Variants in ANK1 observed in about 807,000 individuals in gnomAD.
The protein encoded by ANK1 is ankyrin 1, also known as ankyrin-1.
Under a neutral mutation model 210.4 loss-of-function variants are expected in ANK1, and 51 were observed. The observed-to-expected ratio is 0.24, with a 90% CI of 0.19 to 0.31. The LOEUF (loss-of-function observed/expected upper bound fraction) is 0.31. ANK1 is among the 10% of genes least tolerant of loss of function. The probability of loss-of-function intolerance (pLI) is 1.00; values close to 1 mark genes in which losing one functional copy is unlikely to be tolerated. For missense variants in ANK1, 2,051 were observed against 2,504.4 expected, an observed-to-expected ratio of 0.82 and a Z score of 3.86; for synonymous variants, 967 against 1,025.9, an observed-to-expected ratio of 0.94 and a Z score of 1.10.
At chr8:41,816,095 C>T (rs1425690371) in intron 1 of ANK1, among the ~76,000 whole-genome samples, 1 of 152,166 alleles carries the variant, frequency 6.6e-6, no homozygotes, top group Non-Finnish European at 1.5e-5. Context: ...GTGTAATTCA[C>T]TTGTTCTTAA....
intron 16 of ANK1, 107 bp downstream of exon 16, chr8:41,714,049 A>G (rs1826912328): frequency 1.3e-6 from 1 of 765,180 alleles, no homozygotes; most frequent in South Asian, 6.5e-5. Flanking sequence ...AAATAGCAAC[A>G]GAACGCAAAA....
At chr8:41,838,533 A>G (rs2150802938) in intron 1 of ANK1, among the ~76,000 whole-genome samples, 1 of 152,328 alleles carries the variant, frequency 6.6e-6, no homozygotes, top group Middle Eastern at 3.4e-3. Flanking sequence ...TGGGAGGCCG[A>G]GGCCGGCGGA....
At position 41,708,702 on chromosome 8, in the gene ANK1, A is replaced by G. The variant is rs536051694; in HGVS notation, c.1998+76T>C. 106 of 1,533,610 alleles carry G rather than the reference A, an allele frequency of 6.9e-5. 1 individual carries two copies. In the African/African-American group the frequency reaches 1.3e-3, roughly 19 times the overall value. On this transcript the variant is annotated intron_variant, in intron 17 of 42. Coordinates refer to ENST00000289734, the MANE Select transcript of ANK1 (RefSeq NM_000037.4). ...CACCCCTAACTCAGAACCTGGGCAC[A>G]CATAGATGCTCAATATGAAGACACC...
intron 1 of ANK1, among the ~76,000 whole-genome samples, chr8:41,890,963 C>T (rs1819328485): frequency 6.6e-6 from 1 of 152,122 alleles, no homozygotes; most frequent in Non-Finnish European, 1.5e-5. Flanking sequence ...CAAGTGTTGG[C>T]TTCAAAGTGC....
At chr8:41,852,249 G>C (rs1811391043) in intron 1 of ANK1, among the ~76,000 whole-genome samples, 2 of 152,150 alleles carry the variant, frequency 1.3e-5, no homozygotes, top group Admixed American at 1.3e-4. Flanking sequence ...AGTACTCAGG[G>C]GCCCTTAGCC....
intron 22 of ANK1, among the ~76,000 whole-genome samples, chr8:41,699,902 C>G (rs189114711): frequency 6.6e-6 from 1 of 152,374 alleles, no homozygotes; most frequent in South Asian, 2.1e-4. Context: ...TCCACACCAA[C>G]AGAAGAATAA....
chr8:41,856,109 A>G (rs1374937574), intron 1 of ANK1, among the ~76,000 whole-genome samples: 1 of 152,184 alleles, frequency 6.6e-6, no homozygotes, highest in Non-Finnish European at 1.5e-5. Flanking sequence ...GAAGCCCCCA[A>G]CCTTGCTTGA....
At position 41,702,164 on chromosome 8, in the gene ANK1, G is replaced by A. The variant is rs73619321; in HGVS notation, c.2296-20C>T. 2.0e-3 allele frequency: 3,170 copies of A among 1,604,220 alleles called. 60 individuals carry two copies. The African/African-American group carries it at 0.038, about 19-fold the overall frequency. On this transcript the variant is annotated intron_variant, in intron 20 of 42. Transcript: ENST00000289734. ...TCCATCCTGGGGAAAGAGCAGCCCG[G>A]GTGCAGTCAGACAGGGGATGGAGTC...
At chr8:41,664,584 T>C (rs1180101987) in intron 39 of ANK1, among the ~76,000 whole-genome samples, 1 of 151,914 alleles carries the variant, frequency 6.6e-6, no homozygotes, top group Non-Finnish European at 1.5e-5. Flanking sequence ...GCTGAGTGTT[T>C]AATGTCACTG....
intron 1 of ANK1, among the ~76,000 whole-genome samples, chr8:41,849,232 A>G (rs1234455970): frequency 6.6e-6 from 1 of 152,204 alleles, no homozygotes; most frequent in African/African-American, 2.4e-5. Flanking sequence ...ACTGGAAGGG[A>G]CCTGTGCTCT....
In ANK1 at chr8:41,696,414, C is replaced by A. The variant is rs957852242; in HGVS notation, c.2909G>T (p.Gly970Val). Residue 970 changes from glycine to valine, a missense_variant, in exon 26 of 43, where the codon GGC (glycine) becomes GTC (valine). This residue lies in a region of ANK1 where 1,413 missense variants were observed against 1,707.4 expected (regional missense o/e 0.83). Transcript: ENST00000289734. ...STPPPLAEEE[G>V]LASRIIALGP... ...CAGTGCTATGATCCTGCTGGCCAGG[C>A]CCTCCTCCTCGGCCAGTGGGGGCGG... 5 of 1,613,292 alleles carry A rather than the reference C, an allele frequency of 3.1e-6. No individual in the cohort carries two copies. The highest frequency in any genetic ancestry group is 4.2e-6 in the Non-Finnish European group (5 of 1,179,898).
intron 2 of ANK1, among the ~76,000 whole-genome samples, chr8:41,754,168 T>C (rs1838495054): frequency 6.6e-6 from 1 of 152,246 alleles, no homozygotes; most frequent in African/African-American, 2.4e-5. Context: ...AAAATGAAAT[T>C]ATTCTATCCC....
At chr8:41,858,798 T>C (rs1014371315) in intron 1 of ANK1, among the ~76,000 whole-genome samples, 7 of 152,248 alleles carry the variant, frequency 4.6e-5, no homozygotes, top group Admixed American at 1.3e-4. Flanking sequence ...GACATGCTTA[T>C]GTAAAACACC....
intron 1 of ANK1, among the ~76,000 whole-genome samples, chr8:41,880,414 G>A (rs1170205382): frequency 6.6e-6 from 1 of 152,202 alleles, no homozygotes; most frequent in East Asian, 1.9e-4. Flanking sequence ...TAAAGTTGGG[G>A]AAGGCATTCC....
chr8:41,711,421 C>T (rs530092987), intron 16 of ANK1, among the ~76,000 whole-genome samples: 5 of 152,284 alleles, frequency 3.3e-5, no homozygotes, highest in East Asian at 1.9e-4. Flanking sequence ...CGCAACTGAC[C>T]GGCATTCATG....
At chr8:41,821,331 A>AAAAAG (rs1804225514) in intron 1 of ANK1, among the ~76,000 whole-genome samples, 1 of 152,190 alleles carries the variant, frequency 6.6e-6, no homozygotes, top group Non-Finnish European at 1.5e-5. Context: ...AGGATGGTCT[A>AAAAAG]TTTGTTTATA....
intron 1 of ANK1, among the ~76,000 whole-genome samples, chr8:41,833,837 A>G (rs1807121881): frequency 6.6e-6 from 1 of 152,208 alleles, no homozygotes; most frequent in African/African-American, 2.4e-5. Flanking sequence ...AGCAGAGTAC[A>G]GGAATCCTGG....
intron 24 of ANK1, 107 bp downstream of exon 24, chr8:41,697,936 G>T: frequency 1.0e-6 from 1 of 1,001,692 alleles, no homozygotes. Context: ...AGTGGCATGT[G>T]AGCTATTAGT....
At chr8:41,798,438 C>T (rs947354740), upstream of ANK1, among the ~76,000 whole-genome samples, 1 of 152,338 alleles carries the variant, frequency 6.6e-6, no homozygotes, top group Non-Finnish European at 1.5e-5. Flanking sequence ...GGGGGGCGCC[C>T]AGGCGGTCCC....
Sources: gnomAD v4.1 joint callset for allele counts (sites outside exome capture counted in the v4.1 genomes callset) on GRCh38, gnomAD v4.1.1 for gene constraint, gnomAD v4.1.1 regional missense constraint, MANE v1.5 for transcripts, NCBI Gene and HGNC (gene_info 2026-07-23, HGNC 2026-07-21) for gene names.